The following GPC5 variants were observed in gnomAD, a reference collection of about 807,000 sequenced individuals.
GPC5 encodes the protein glypican-5.
In GPC5, 47 loss-of-function variants were observed where a neutral mutation model predicts 53.9. That is an observed-to-expected ratio of 0.87 (90% confidence interval 0.69 to 1.11). The LOEUF is 1.11. Ranked by LOEUF, GPC5 falls within the 50% of genes most tolerant of loss-of-function variation. The pLI is 0.00. For missense variants in GPC5, 748 were observed against 713.1 expected (o/e 1.05, Z -0.56); for synonymous variants, 286 against 263.3 (o/e 1.09, Z -0.84).
chr13:91,830,962 C>G (rs984904593), intron 5 of GPC5, among the ~76,000 whole-genome samples: 6 of 129,134 alleles, frequency 4.6e-5, no homozygotes, highest in Non-Finnish European at 9.5e-5. Flanking sequence ...GATATATATC[C>G]TATTATATAT....
intron 2 of GPC5, among the ~76,000 whole-genome samples, chr13:91,582,076 A>G (rs1349923224): frequency 6.6e-6 from 1 of 152,110 alleles, no homozygotes; most frequent in African/African-American, 2.4e-5. Flanking sequence ...GGTGTAGACA[A>G]AATGTCTACA....
chr13:92,543,741 A>G (rs573077608), intron 7 of GPC5, among the ~76,000 whole-genome samples: 1 of 152,192 alleles, frequency 6.6e-6, no homozygotes, highest in East Asian at 1.9e-4. Flanking sequence ...TTTTTAATGC[A>G]AGGAAGACTA....
chr13:92,538,542 C>T (rs1052994663), intron 7 of GPC5, among the ~76,000 whole-genome samples: 1 of 147,642 alleles, frequency 6.8e-6, no homozygotes, highest in South Asian at 2.2e-4. Flanking sequence ...ATACATGTGC[C>T]ATGGTGGTTT....
At chr13:92,364,133 A>T (rs902787848) in intron 7 of GPC5, among the ~76,000 whole-genome samples, 8 of 151,774 alleles carry the variant, frequency 5.3e-5, no homozygotes, top group African/African-American at 2.0e-4. Flanking sequence ...AATACTGTGG[A>T]ATTCAGAGGA....
intron 7 of GPC5, among the ~76,000 whole-genome samples, chr13:92,824,056 C>CT (rs1163875049): frequency 6.6e-6 from 1 of 152,056 alleles, no homozygotes; most frequent in Non-Finnish European, 1.5e-5. Context: ...TCAGAGCTGG[C>CT]TGGAGATGAC....
intron 2 of GPC5, among the ~76,000 whole-genome samples, chr13:91,552,550 G>C (rs933712474): frequency 5.3e-5 from 8 of 152,044 alleles, no homozygotes; most frequent in African/African-American, 1.9e-4. Context: ...TGTTTCTATA[G>C]ATATTAAATT....
intron 6 of GPC5, among the ~76,000 whole-genome samples, chr13:92,033,828 C>A (rs2040872193): frequency 6.6e-6 from 1 of 152,148 alleles, no homozygotes; most frequent in Non-Finnish European, 1.5e-5. Flanking sequence ...ACAGACTAGA[C>A]TGGTAGAAAT....
chr13:91,866,566 T>G (rs1487164525), intron 5 of GPC5, among the ~76,000 whole-genome samples: 1 of 152,132 alleles, frequency 6.6e-6, no homozygotes, highest in Non-Finnish European at 1.5e-5. Context: ...GCTCCCCCTT[T>G]GCCTTAAGCC....
chr13:91,906,781 T>C (rs2039557233), intron 5 of GPC5, among the ~76,000 whole-genome samples: 1 of 152,004 alleles, frequency 6.6e-6, no homozygotes, highest in South Asian at 2.1e-4. Context: ...TAGTGAAATT[T>C]CAAATGGCTT....
intron 7 of GPC5, among the ~76,000 whole-genome samples, chr13:92,842,729 G>C (rs1262741621): frequency 6.6e-6 from 1 of 150,538 alleles, no homozygotes; most frequent in East Asian, 1.9e-4. Flanking sequence ...AAACAAGAGA[G>C]CCAGGACTAA....
chr13:92,022,061 A>G (rs556150592), intron 6 of GPC5, among the ~76,000 whole-genome samples: 2 of 152,002 alleles, frequency 1.3e-5, no homozygotes, highest in Admixed American at 1.3e-4. Context: ...GTGCAGTGGT[A>G]TGATCTCGGT....
chr13:91,435,094 T>C lies in GPC5; in HGVS notation c.164-13667T>C, dbSNP rs188279844. Among the ~76,000 whole-genome samples, 11 of 152,282 alleles carry C rather than the reference T, an allele frequency of 7.2e-5. No individual in the cohort carries two copies. In the East Asian group the frequency reaches 1.7e-3, roughly 24 times the overall value. On this transcript the variant is annotated intron_variant, in intron 1 of 7. Coordinates refer to ENST00000377067, the MANE Select transcript of GPC5 (RefSeq NM_004466.6). Reference sequence around the variant, plus strand: ...AGCTTAAGGAGATTTTGGGCTGAGATGATGGGGTTTTCTAGATATACAATC... The same window carrying C: ...AGCTTAAGGAGATTTTGGGCTGAGACGATGGGGTTTTCTAGATATACAATC...
At chr13:92,757,680 C>A (rs1874951985) in intron 7 of GPC5, among the ~76,000 whole-genome samples, 2 of 148,638 alleles carry the variant, frequency 1.3e-5, no homozygotes, top group African/African-American at 4.9e-5. Context: ...AGGACATGAA[C>A]AGACACTTCT....
chr13:92,295,134 C>G (rs766646364), intron 7 of GPC5, among the ~76,000 whole-genome samples: 1 of 151,982 alleles, frequency 6.6e-6, no homozygotes, highest in Admixed American at 6.6e-5. Flanking sequence ...CCGGCCCAAA[C>G]TTTTCGATGT....
chr13:92,540,827 A>C (rs1881908947), intron 7 of GPC5, among the ~76,000 whole-genome samples: 1 of 152,034 alleles, frequency 6.6e-6, no homozygotes, highest in South Asian at 2.1e-4. Flanking sequence ...CATTGTCCTT[A>C]CAAAACCTCA....
At chr13:92,405,192 A>G (rs1875738367) in intron 7 of GPC5, among the ~76,000 whole-genome samples, 1 of 152,214 alleles carries the variant, frequency 6.6e-6, no homozygotes, top group South Asian at 2.1e-4. Context: ...CTGAGAACAC[A>G]AGGCAAAAAC....
intron 7 of GPC5, among the ~76,000 whole-genome samples, chr13:92,253,924 T>C (rs779044418): frequency 5.0e-4 from 76 of 152,180 alleles, no homozygotes; most frequent in Non-Finnish European, 2.1e-4. Context: ...TACTGGAATG[T>C]CTATAGAGTG....
intron 7 of GPC5, among the ~76,000 whole-genome samples, chr13:92,269,333 C>T (rs986769333): frequency 6.6e-6 from 1 of 151,956 alleles, no homozygotes; most frequent in Non-Finnish European, 1.5e-5. Context: ...TTCTATTTGT[C>T]GATTATGTTC....
At chr13:92,631,594 T>C (rs1374345234) in intron 7 of GPC5, among the ~76,000 whole-genome samples, 2 of 152,186 alleles carry the variant, frequency 1.3e-5, no homozygotes, top group African/African-American at 4.8e-5. Flanking sequence ...ATTAGGTTTG[T>C]ATAAAAACAG....
Sources: allele counts gnomAD v4.1 joint callset (sites outside exome capture counted in the v4.1 genomes callset), GRCh38; gene constraint gnomAD v4.1.1; transcripts MANE v1.5; gene names NCBI Gene and HGNC (gene_info 2026-07-23, HGNC 2026-07-21).